SUGCT: variants seen among roughly 807,000 people sequenced by gnomAD.
The protein encoded by SUGCT is succinyl-CoA:glutarate-CoA transferase.
SUGCT carries 41 observed loss-of-function variants against 55.0 expected under a neutral mutation model. The observed-to-expected ratio is 0.74, with a 90% CI of 0.58 to 0.97. The LOEUF is 0.97. Ranked by LOEUF, SUGCT falls within the 50% of genes least tolerant of loss-of-function variation. SUGCT has a pLI of 0.00. For synonymous variants in SUGCT, 187 were observed against 200.4 expected, an observed-to-expected ratio of 0.93 and a Z score of 0.56; for missense variants, 568 against 547.8, an observed-to-expected ratio of 1.04 and a Z score of -0.37.
intron 12 of SUGCT, among the ~76,000 whole-genome samples, chr7:40,706,600 T>A (rs2128667215): frequency 6.6e-6 from 1 of 152,334 alleles, no homozygotes; most frequent in Non-Finnish European, 1.5e-5. Flanking sequence ...TTATAATAAG[T>A]GGAAACATCT....
At chr7:40,678,786 T>C (rs1784115732) in intron 12 of SUGCT, among the ~76,000 whole-genome samples, 1 of 152,218 alleles carries the variant, frequency 6.6e-6, no homozygotes, top group Admixed American at 6.5e-5. Flanking sequence ...GAAGAAAATA[T>C]AGGTAATTTG....
At chr7:40,449,249 A>G (rs1194114027) in intron 9 of SUGCT, 38 bp from the exon 10 acceptor site, 2 of 1,421,728 alleles carry the variant, frequency 1.4e-6, no homozygotes, top group Admixed American at 1.8e-5. Flanking sequence ...TCTTGTCAAC[A>G]TATAAATAAT....
rs74524127 is a variant in SUGCT at position 40,552,427 on chromosome 7, C to T, written c.1089+56041C>T. On this transcript the variant is annotated intron_variant, in intron 12 of 13. Coordinates refer to ENST00000335693, the MANE Select transcript of SUGCT (RefSeq NM_001193313.2). ...GGGGCTGCACTCTCTGAGCCTGGAGCGGAGTCCCTGCACCTGGGCTCACCC... is the reference window on the plus strand; with the variant it reads ...GGGGCTGCACTCTCTGAGCCTGGAGTGGAGTCCCTGCACCTGGGCTCACCC... Among the ~76,000 whole-genome samples the T allele has an allele frequency of 2.8e-3, 425 of 152,182 alleles. 3 individuals are homozygous for T. Among genetic ancestry groups the T allele is most frequent in the African/African-American group, 7.2e-3 (300 of 41,502 alleles).
chr7:40,281,555 G>A (rs1792952029), intron 8 of SUGCT, among the ~76,000 whole-genome samples: 1 of 152,162 alleles, frequency 6.6e-6, no homozygotes, highest in African/African-American at 2.4e-5. Flanking sequence ...AGAAGATGTT[G>A]AATATTGCTA....
At chr7:40,448,105 T>C (rs1295283231) in intron 9 of SUGCT, among the ~76,000 whole-genome samples, 1 of 152,104 alleles carries the variant, frequency 6.6e-6, no homozygotes, top group East Asian at 1.9e-4. Context: ...AGAGAGATAC[T>C]GATGTGTCCA....
intron 13 of SUGCT, among the ~76,000 whole-genome samples, chr7:40,754,974 T>TA (rs1349698562): frequency 6.6e-6 from 1 of 152,018 alleles, no homozygotes; most frequent in East Asian, 1.9e-4. Flanking sequence ...TTATATAATG[T>TA]AAAAAAATGC....
the SUGCT span, among the ~76,000 whole-genome samples, chr7:40,899,148 C>T: frequency 1.3e-5 from 2 of 152,182 alleles, no homozygotes; most frequent in Non-Finnish European, 2.9e-5. Context: ...GCTGCTCTTC[C>T]TCTCGCTTTG....
chr7:40,626,825 A>T (rs1360847869), intron 12 of SUGCT, among the ~76,000 whole-genome samples: 1 of 152,066 alleles, frequency 6.6e-6, no homozygotes, highest in Non-Finnish European at 1.5e-5. Flanking sequence ...CTGCTTCTCT[A>T]GCTCAGTGCT....
At chr7:40,613,266 C>T (rs1226248835) in intron 12 of SUGCT, among the ~76,000 whole-genome samples, 1 of 152,200 alleles carries the variant, frequency 6.6e-6, no homozygotes, top group African/African-American at 2.4e-5. Flanking sequence ...GGGGCCGTCA[C>T]CATGAGGCTG....
rs552365897 is a variant in SUGCT, at chr7:40,710,323, A to G, written c.1090-39111A>G. ...CTTGAAGTTGCTTTTACTTACTGAG[A>G]AGCCATTTGTAAATTTTTATTCTAC... On this transcript the variant is annotated intron_variant, in intron 12 of 13. Coordinates refer to ENST00000335693, the MANE Select transcript of SUGCT (RefSeq NM_001193313.2). 9.2e-5 allele frequency among the ~76,000 whole-genome samples: 14 copies of G among 152,292 alleles called. No homozygotes were observed. In the South Asian group the frequency reaches 1.2e-3, roughly 14 times the overall value.
rs1266989400 is a variant in SUGCT at position 40,135,077 on chromosome 7, C to T, written c.57C>T (p.Gly19=). The part of the protein sequence containing the change: ...AALRRTCLFS[G]RGGGRGLWTG... ...TGCGCAGAACCTGCCTCTTCTCCGG[C>T]CGGGGCGGCGGGAGGGGGCTGTGGA... is the stretch of plus-strand genomic sequence containing the variant. The change falls in exon 1 of 14, where the codon GGC becomes GGT. Residue 19 remains glycine, a synonymous_variant. Coordinates refer to ENST00000335693, the MANE Select transcript of SUGCT (RefSeq NM_001193313.2). The T allele has an allele frequency of 3.8e-6, 6 of 1,560,324 alleles. No homozygotes were observed. In the Admixed American group the frequency reaches 1.1e-4, roughly 30 times the overall value.
At chr7:40,417,758 T>A (rs117058392) in intron 9 of SUGCT, among the ~76,000 whole-genome samples, 14,005 of 151,894 alleles carry the variant, frequency 0.092, 880 homozygotes, top group Non-Finnish European at 0.14. Flanking sequence ...AATTTTTTCA[T>A]GTGCTTACAT....
At chr7:40,530,292 T>C (rs182591730) in intron 12 of SUGCT, among the ~76,000 whole-genome samples, 25 of 152,364 alleles carry the variant, frequency 1.6e-4, no homozygotes, top group Non-Finnish European at 3.4e-4. Flanking sequence ...AATGACTGTT[T>C]AGAATCATTT....
At chr7:40,288,591 T>C (rs1444776837) in intron 8 of SUGCT, among the ~76,000 whole-genome samples, 4 of 152,132 alleles carry the variant, frequency 2.6e-5, no homozygotes, top group African/African-American at 9.7e-5. Context: ...TCTTGTTGCT[T>C]TTATGGCAGA....
At chr7:40,533,883 A>G (rs1354892531) in intron 12 of SUGCT, among the ~76,000 whole-genome samples, 2 of 152,162 alleles carry the variant, frequency 1.3e-5, no homozygotes, top group East Asian at 3.8e-4. Flanking sequence ...TGCAAAATGG[A>G]CAGTCTTTTT....
At position 40,820,697 on chromosome 7, in the gene SUGCT, C is replaced by T. The variant is rs561690664; in HGVS notation, c.1154-39619C>T. On this transcript the variant is annotated intron_variant, in intron 13 of 13. Coordinates refer to ENST00000335693, the MANE Select transcript of SUGCT (RefSeq NM_001193313.2). Reference sequence around the variant, plus strand: ...CAATGGGGTTTTCTAAATATACAATCATGTCATCTGCAAACAGGGACAATT... The same window carrying T: ...CAATGGGGTTTTCTAAATATACAATTATGTCATCTGCAAACAGGGACAATT... Among the ~76,000 whole-genome samples, 25 of 152,298 alleles carry T rather than the reference C, an allele frequency of 1.6e-4. No individual in the cohort carries two copies. The South Asian group carries it at 5.2e-3, about 32-fold the overall frequency.
At chr7:40,500,381 C>T (rs1792215056) in intron 12 of SUGCT, among the ~76,000 whole-genome samples, 1 of 152,134 alleles carries the variant, frequency 6.6e-6, no homozygotes, top group African/African-American at 2.4e-5. Flanking sequence ...ATTGAAATAT[C>T]ACAGCTGGCC....
the SUGCT span, among the ~76,000 whole-genome samples, chr7:40,923,084 T>C: frequency 3.9e-5 from 6 of 152,190 alleles, no homozygotes; most frequent in Non-Finnish European, 8.8e-5. Flanking sequence ...AGTTGGAGCC[T>C]CTATAAAATA....
At chr7:40,991,883 C>T in the SUGCT span, among the ~76,000 whole-genome samples, 1 of 152,022 alleles carries the variant, frequency 6.6e-6, no homozygotes, top group Admixed American at 6.5e-5. Flanking sequence ...GTTTTCTCAG[C>T]TATTTTGTGG....
Sources: gnomAD v4.1 joint callset for allele counts (sites outside exome capture counted in the v4.1 genomes callset) on GRCh38, gnomAD v4.1.1 for gene constraint, MANE v1.5 for transcripts, NCBI Gene and HGNC (gene_info 2026-07-23, HGNC 2026-07-21) for gene names.